OTOGL: variants seen among roughly 807,000 people sequenced by gnomAD.
The protein encoded by OTOGL is otogelin-like protein.
A neutral mutation model predicts 318.5 loss-of-function variants in OTOGL; 285 were observed. The ratio of observed to expected loss-of-function variants is 0.89; its 90% CI spans 0.81 to 0.99. The LOEUF (loss-of-function observed/expected upper bound fraction) is 0.99. Among genes scored for constraint, OTOGL ranks in the 50% least tolerant of loss-of-function variants. The probability of loss-of-function intolerance (pLI) is 0.00; values close to 1 mark genes in which losing one functional copy is unlikely to be tolerated. For synonymous variants in OTOGL, 987 were observed against 936.5 expected (o/e 1.05, Z -0.99); for missense variants, 2,899 against 2,845.6 (o/e 1.02, Z -0.43).
chr12:80,222,209 G>C lies in OTOGL; in HGVS notation c.453G>C (p.Lys151Asn), dbSNP rs756487360. Residue 151 changes from lysine to asparagine, a missense_variant, in exon 7 of 59, where the codon AAG (lysine) becomes AAC (asparagine). By Grantham distance (94) the Lys-to-Asn change is moderately conservative. This residue lies in a region of OTOGL where 2,607 missense variants were observed against 2,524.9 expected (regional missense o/e 1.03). Coordinates refer to ENST00000547103, the MANE Select transcript of OTOGL (RefSeq NM_001378609.3). The stretch of plus-strand genomic sequence containing the variant: ...GAAACTGTTCTTACATTTTTGCAAA[G>C]GACTGTGGTGATTTGGAGCCTCGGT... ...FPGNCSYIFA[K>N]DCGDLEPRYT... 6.3e-7 allele frequency: 1 copy of C among 1,598,006 alleles called. No homozygotes were observed. The highest frequency in any genetic ancestry group is 8.5e-7 in the Non-Finnish European group (1 of 1,178,562).
chr12:80,249,732 G>A (rs992782064), intron 11 of OTOGL, among the ~76,000 whole-genome samples: 4 of 152,324 alleles, frequency 2.6e-5, no homozygotes, highest in Non-Finnish European at 4.4e-5. Context: ...ACCTAAGGAA[G>A]CCTGGGCGAT....
At position 80,358,263 on chromosome 12, in the gene OTOGL, C is replaced by T. The variant is rs368949122; in HGVS notation, c.6035C>T (p.Thr2012Ile). ...FSPFCVCESC[T>I]KPVPLCHDGE... ...TTTACCTTAGTTTGTGAATCTTGCA[C>T]CAAACCTGTTCCACTATGTCATGAT... Residue 2012 changes from threonine to isoleucine, a missense_variant, in exon 50 of 59, where the codon ACC (threonine) becomes ATC (isoleucine). Coordinates refer to ENST00000547103, the MANE Select transcript of OTOGL (RefSeq NM_001378609.3). 4 of 1,610,892 alleles carry T rather than the reference C, an allele frequency of 2.5e-6. No individual in the cohort carries two copies. The African/African-American group carries it at 5.3e-5, about 22-fold the overall frequency.
intron 1 of OTOGL, among the ~76,000 whole-genome samples, chr12:80,105,907 T>C (rs1443271553): frequency 6.6e-6 from 1 of 152,174 alleles, no homozygotes; most frequent in Non-Finnish European, 1.5e-5. Context: ...TTCCAACAGA[T>C]ACTGGGAAAA....
rs369394196 is a variant in OTOGL at position 80,110,427 on chromosome 12, C to T, written c.-20+10822C>T. Among the ~76,000 whole-genome samples the T allele has an allele frequency of 2.2e-3, 342 of 152,146 alleles. 9 individuals carry two copies. In the South Asian group the frequency reaches 0.068, roughly 30 times the overall value. On this transcript the variant is annotated intron_variant, in intron 1 of 58. Transcript: ENST00000547103. ...TTGCTCCCCATCACCTGAAAGGCCC[C>T]GGTGTGTGATGTTCTCCTCCCTGTG... is the stretch of plus-strand genomic sequence containing the variant.
chr12:80,335,411 T>C (rs1888327009), intron 38 of OTOGL, among the ~76,000 whole-genome samples: 1 of 152,164 alleles, frequency 6.6e-6, no homozygotes, highest in African/African-American at 2.4e-5. Flanking sequence ...TTAAATGGAA[T>C]GTGATTTATA....
At chr12:80,283,731 C>T (rs531892001) in intron 26 of OTOGL, among the ~76,000 whole-genome samples, 6 of 152,020 alleles carry the variant, frequency 3.9e-5, no homozygotes, top group Non-Finnish European at 7.4e-5. Flanking sequence ...AATGCATACA[C>T]GAGCTTTCAA....
intron 1 of OTOGL, among the ~76,000 whole-genome samples, chr12:80,120,320 C>G (rs1287573695): frequency 6.6e-6 from 1 of 151,934 alleles, no homozygotes; most frequent in Non-Finnish European, 1.5e-5. Context: ...TCTAAGTATG[C>G]CAGGCACTAT....
intron 1 of OTOGL, among the ~76,000 whole-genome samples, chr12:80,108,050 G>T (rs1486206724): frequency 6.6e-6 from 1 of 151,926 alleles, no homozygotes; most frequent in Non-Finnish European, 1.5e-5. Flanking sequence ...CCCATGACAC[G>T]CAGTTTACCT....
intron 7 of OTOGL, among the ~76,000 whole-genome samples, chr12:80,226,976 A>G (rs1878917953): frequency 6.6e-6 from 1 of 152,110 alleles, no homozygotes; most frequent in Admixed American, 6.6e-5. Flanking sequence ...CAACCTCCAG[A>G]AGTTTTTAGA....
intron 26 of OTOGL, among the ~76,000 whole-genome samples, chr12:80,289,780 C>T (rs1307899395): frequency 1.3e-5 from 2 of 152,322 alleles, no homozygotes; most frequent in East Asian, 3.9e-4. Context: ...TAACTTCAGA[C>T]TGCTGTGCTG....
At chr12:80,366,695 T>C in intron 53 of OTOGL, 58 bp downstream of exon 53, 1 of 723,152 alleles carries the variant, frequency 1.4e-6, no homozygotes, top group East Asian at 3.7e-5. Flanking sequence ...TATCTGTTTT[T>C]TCACTATTAA....
chr12:80,163,056 C>T (rs1403211127), intron 1 of OTOGL, among the ~76,000 whole-genome samples: 1 of 152,014 alleles, frequency 6.6e-6, no homozygotes, highest in Non-Finnish European at 1.5e-5. Context: ...AGCCTGGATA[C>T]ATCATAATTA....
At chr12:80,341,552 G>A (rs1303065703) in intron 43 of OTOGL, among the ~76,000 whole-genome samples, 2 of 152,168 alleles carry the variant, frequency 1.3e-5, no homozygotes, top group African/African-American at 4.8e-5. Flanking sequence ...CAGGGAAGTG[G>A]AAGCCTGGGA....
Position 80,379,543 on chromosome 12 carries a change from G to A in OTOGL, c.*1495G>A, listed in dbSNP as rs1373607496. On this transcript the variant is annotated 3_prime_UTR_variant, in exon 59 of 59. Coordinates refer to ENST00000547103, the MANE Select transcript of OTOGL (RefSeq NM_001378609.3). ...TGCTTAATATAAGTGTTCCTGAGAT[G>A]TTAACATTTCAATATTCTCTGATTC... The A allele has an allele frequency of 6.6e-6, 1 of 150,440 alleles. No individual in the cohort carries two copies. Among genetic ancestry groups the A allele is most frequent in the Non-Finnish European group, 1.5e-5 (1 of 67,558 alleles). 9.3% of individuals were successfully genotyped at this position (150,440 alleles called of 1,614,324 possible).
chr12:80,206,979 G>C (rs1876856074), intron 1 of OTOGL, among the ~76,000 whole-genome samples: 1 of 152,134 alleles, frequency 6.6e-6, no homozygotes, highest in Non-Finnish European at 1.5e-5. Context: ...TGAAACTTGA[G>C]ATGAAAAGTT....
At chr12:80,328,082 T>C (rs1339104540) in intron 35 of OTOGL, among the ~76,000 whole-genome samples, 2 of 151,194 alleles carry the variant, frequency 1.3e-5, no homozygotes, top group East Asian at 3.9e-4. Flanking sequence ...TTTGGGAGGC[T>C]GAGGTGGGCT....
At chr12:80,107,849 G>A (rs538366266) in intron 1 of OTOGL, among the ~76,000 whole-genome samples, 1 of 152,234 alleles carries the variant, frequency 6.6e-6, no homozygotes, top group Admixed American at 6.5e-5. Context: ...TGCAGGAACA[G>A]AAAACCAAAT....
At chr12:80,284,297 G>C (rs1367189551) in intron 26 of OTOGL, among the ~76,000 whole-genome samples, 1 of 152,038 alleles carries the variant, frequency 6.6e-6, no homozygotes, top group East Asian at 1.9e-4. Flanking sequence ...ATTTGGGTTG[G>C]CTCCAAGTCT....
At chr12:80,178,364 T>G (rs143332228) in intron 1 of OTOGL, among the ~76,000 whole-genome samples, 2,810 of 152,028 alleles carry the variant, frequency 0.018, 31 homozygotes, top group Non-Finnish European at 0.024. Context: ...CCCAGCCTTT[T>G]ATATGGTATT....
Sources: allele counts gnomAD v4.1 joint callset (sites outside exome capture counted in the v4.1 genomes callset), GRCh38; gene constraint gnomAD v4.1.1; regional missense constraint gnomAD v4.1.1; transcripts MANE v1.5; gene names NCBI Gene and HGNC (gene_info 2026-07-23, HGNC 2026-07-21).